PLOD2: variants seen among roughly 807,000 people sequenced by gnomAD.
PLOD2 encodes procollagen-lysine,2-oxoglutarate 5-dioxygenase 2.
A neutral mutation model predicts 101.0 loss-of-function variants in PLOD2; 65 were observed. That is an observed-to-expected ratio of 0.64 (90% CI 0.53 to 0.79). The LOEUF (loss-of-function observed/expected upper bound fraction) is 0.79, where lower values mean the gene tolerates loss of function less well. Ranked by LOEUF, PLOD2 falls within the 30% of genes least tolerant of loss-of-function variation. The pLI, the probability that PLOD2 is intolerant of heterozygous loss-of-function variation, is 0.00. For synonymous variants in PLOD2, 314 were observed against 302.9 expected (o/e 1.04, Z -0.38); for missense variants, 909 against 914.6 (o/e 0.99, Z 0.08).
At chr3:146,124,300 A>G in intron 1 of PLOD2, 71 bp from the exon 2 acceptor site, 1 of 825,720 alleles carries the variant, frequency 1.2e-6, no homozygotes, top group Non-Finnish European at 2.1e-6. Context: ...AACTCACTAC[A>G]GTAATTGAGA....
intron 4 of PLOD2, 139 bp downstream of exon 4, chr3:146,110,146 G>A: frequency 1.4e-6 from 1 of 736,670 alleles, no homozygotes; most frequent in Admixed American, 2.2e-5. Flanking sequence ...TAATACATGG[G>A]AAAATGCTTT....
At chr3:146,138,798 TAAC>T (rs2031373821) in intron 1 of PLOD2, among the ~76,000 whole-genome samples, 2 of 152,144 alleles carry the variant, frequency 1.3e-5, no homozygotes, top group South Asian at 2.1e-4. Flanking sequence ...ATAACAGTAA[TAAC>T]AATACAATAA....
Position 146,088,644 on chromosome 3 carries a change from T to C in PLOD2, c.947A>G (p.Asp316Gly), listed in dbSNP as rs150961837. 3.4e-5 allele frequency: 55 copies of C among 1,602,084 alleles called. No homozygotes were observed. Among genetic ancestry groups the C allele is most frequent in the Admixed American group, 1.0e-4 (6 of 59,804 alleles). Residue 316 changes from aspartate to glycine, a missense_variant, in exon 9 of 20, where the codon GAC (aspartate) becomes GGC (glycine). Coordinates refer to ENST00000282903, the MANE Select transcript of PLOD2 (RefSeq NM_182943.3). ...TGGGTAATCCAGTGTCAACAATATG[T>C]CCAGAAACCGAGGTAGAAAAGGGGT... ...QPTPFLPRFL[D>G]ILLTLDYPKE...
intron 1 of PLOD2, among the ~76,000 whole-genome samples, chr3:146,137,376 A>T (rs1355628859): frequency 6.6e-6 from 1 of 152,164 alleles, no homozygotes; most frequent in Non-Finnish European, 1.5e-5. Flanking sequence ...CCTCCTGAGT[A>T]GCTGGGACTA....
At position 146,086,768 on chromosome 3, in the gene PLOD2, T is replaced by G. The variant is rs1553730997; in HGVS notation, c.1127+19A>C. 2.2e-6 allele frequency: 3 copies of G among 1,382,218 alleles called. No homozygotes were observed. The South Asian group carries it at 4.5e-5, about 21-fold the overall frequency. 85.6% of individuals were successfully genotyped at this position (1,382,218 alleles called of 1,614,324 possible). A position where few individuals can be genotyped will look rare whatever the true frequency, so the allele number is the denominator to read the frequency against. ...CTTAGTAAAATAATTTAATTTAATT[T>G]TAATTTATTAAAACATACATTCCCA... On this transcript the variant is annotated intron_variant, in intron 10 of 19. Coordinates refer to ENST00000282903, the MANE Select transcript of PLOD2 (RefSeq NM_182943.3).
chr3:146,151,635 C>A (rs2032060021), intron 1 of PLOD2, among the ~76,000 whole-genome samples: 1 of 152,118 alleles, frequency 6.6e-6, no homozygotes, highest in African/African-American at 2.4e-5. Flanking sequence ...TTTCCTGATG[C>A]CAGATGTGTG....
rs1314829207 is a variant in PLOD2 at position 146,077,116 on chromosome 3, C to G, written c.1564-221G>C. 2.5e-6 allele frequency: 3 copies of G among 1,180,646 alleles called. No individual in the cohort carries two copies. The African/African-American group carries it at 4.8e-5, about 19-fold the overall frequency. The allele number at this position is 1,180,646 out of a possible 1,614,324, so 73.1% of individuals were successfully genotyped here. A position where few individuals can be genotyped will look rare whatever the true frequency, so the allele number is the denominator to read the frequency against. On this transcript the variant is annotated intron_variant, in intron 14 of 19. Transcript: ENST00000282903. ...AAAACTAGTAGATAGCACTGACACT[C>G]AACTGAAAAAAAGAAGAATGGACTG...
At chr3:146,154,344 A>C (rs2032201831) in intron 1 of PLOD2, among the ~76,000 whole-genome samples, 1 of 152,204 alleles carries the variant, frequency 6.6e-6, no homozygotes, top group Non-Finnish European at 1.5e-5. Context: ...CCAAAAAAGG[A>C]AAGGACACTC....
chr3:146,086,811 T>G lies in PLOD2; in HGVS notation c.1103A>C (p.Gln368Pro). The G allele has an allele frequency of 6.7e-7, 1 of 1,503,510 alleles. No homozygotes were observed. The highest frequency in any genetic ancestry group is 1.3e-5 in the South Asian group (1 of 76,682). 93.1% of individuals were successfully genotyped at this position (1,503,510 alleles called of 1,614,324 possible). A position where few individuals can be genotyped will look rare whatever the true frequency, so the allele number is the denominator to read the frequency against. The change falls in exon 10 of 20, where the codon CAA (glutamine) becomes CCA (proline). Residue 368 changes from glutamine (Q) to proline (P), a missense_variant. Physicochemically the swap from Gln to Pro is moderately conservative, Grantham distance 76. Coordinates refer to ENST00000282903, the MANE Select transcript of PLOD2 (RefSeq NM_182943.3). ...KIVGPEENLSQAEARNMGMDF... is the reference protein window; with the variant it reads ...KIVGPEENLSPAEARNMGMDF... ...CATTCCCATGTTTCTGGCTTCCGCTTGACTTAGATTTTCTTCTGGTCCTAC... is the reference window on the plus strand; with the variant it reads ...CATTCCCATGTTTCTGGCTTCCGCTGGACTTAGATTTTCTTCTGGTCCTAC...
chr3:146,144,909 A>T (rs1168804111), intron 1 of PLOD2, among the ~76,000 whole-genome samples: 1 of 152,124 alleles, frequency 6.6e-6, no homozygotes, highest in East Asian at 1.9e-4. Context: ...TAGTGTGTTC[A>T]TGGACAAATT....
At chr3:146,153,605 C>T (rs890117155) in intron 1 of PLOD2, among the ~76,000 whole-genome samples, 1 of 152,090 alleles carries the variant, frequency 6.6e-6, no homozygotes, top group South Asian at 2.1e-4. Context: ...CAGGCCAGAT[C>T]GATGCCCTAG....
At chr3:146,119,459 T>A (rs984934185) in intron 3 of PLOD2, among the ~76,000 whole-genome samples, 1 of 151,748 alleles carries the variant, frequency 6.6e-6, no homozygotes, top group Admixed American at 6.6e-5. Context: ...TTTTTTATTA[T>A]ACTTTAAGTT....
At chr3:146,093,071 T>C (rs1229507402) in intron 7 of PLOD2, among the ~76,000 whole-genome samples, 2 of 152,156 alleles carry the variant, frequency 1.3e-5, no homozygotes, top group African/African-American at 4.8e-5. Flanking sequence ...AAGTGTCAAC[T>C]AGAGTTTTCT....
At chr3:146,154,634 G>T in intron 1 of PLOD2, among the ~76,000 whole-genome samples, 1 of 152,078 alleles carries the variant, frequency 6.6e-6, no homozygotes, top group East Asian at 1.9e-4. Flanking sequence ...TTGTAAACAT[G>T]AAGCATATTT....
intron 8 of PLOD2, among the ~76,000 whole-genome samples, chr3:146,089,067 T>TCG (rs1936888666): frequency 6.6e-6 from 1 of 151,606 alleles, no homozygotes; most frequent in Non-Finnish European, 1.5e-5. Flanking sequence ...TTTGAAAGTT[T>TCG]CGTCTAAGAA....
At chr3:146,120,207 T>C (rs1247587257) in intron 3 of PLOD2, among the ~76,000 whole-genome samples, 1 of 152,200 alleles carries the variant, frequency 6.6e-6, no homozygotes, top group Non-Finnish European at 1.5e-5. Flanking sequence ...TGATGAGCAT[T>C]TTTTCATGTG....
chr3:146,134,926 A>C (rs557489997), intron 1 of PLOD2, among the ~76,000 whole-genome samples: 1 of 152,214 alleles, frequency 6.6e-6, no homozygotes, highest in Non-Finnish European at 1.5e-5. Flanking sequence ...AATTAAAGCA[A>C]TGAAAATAAA....
intron 2 of PLOD2, among the ~76,000 whole-genome samples, chr3:146,123,620 C>T (rs766021244): frequency 1.3e-5 from 2 of 151,912 alleles, no homozygotes; most frequent in Admixed American, 6.6e-5. Flanking sequence ...AATCATCCTA[C>T]GATAGCAAAA....
chr3:146,071,038 T>A lies in PLOD2; in HGVS notation c.2121+4A>T, dbSNP rs779226299. On this transcript the variant is annotated splice_donor_region_variant and intron_variant, in intron 19 of 19. Transcript: ENST00000282903. ...AAATCTAAAAACACAAGAGTCATAA[T>A]TACCTGAAAGTCTTCTCCCACGTTA... is the stretch of plus-strand genomic sequence containing the variant. 5 of 1,603,988 alleles carry A rather than the reference T, an allele frequency of 3.1e-6. No homozygotes were observed. The African/African-American group carries it at 6.7e-5, about 22-fold the overall frequency.
Sources: allele counts gnomAD v4.1 joint callset (sites outside exome capture counted in the v4.1 genomes callset), GRCh38; gene constraint gnomAD v4.1.1; transcripts MANE v1.5; gene names NCBI Gene and HGNC (gene_info 2026-07-23, HGNC 2026-07-21).